The following NCALD variants were observed in gnomAD, a reference collection of about 807,000 sequenced individuals.
NCALD encodes neurocalcin delta, also known as neurocalcin-delta.
In NCALD, 10 loss-of-function variants were observed where a neutral mutation model predicts 18.6. The observed-to-expected ratio is 0.54, with a 90% CI of 0.33 to 0.91. NCALD has a LOEUF of 0.91. NCALD is among the 40% of genes least tolerant of loss of function. The probability of loss-of-function intolerance (pLI) is 0.03; values close to 1 mark genes in which losing one functional copy is unlikely to be tolerated. For missense variants in NCALD, 184 were observed against 247.6 expected (o/e 0.74, Z 1.72); for synonymous variants, 88 against 87.4 (o/e 1.01, Z -0.04).
chr8:101,960,850 C>T (rs1479914371), intron 2 of NCALD, among the ~76,000 whole-genome samples: 2 of 152,092 alleles, frequency 1.3e-5, no homozygotes, highest in African/African-American at 2.4e-5. Flanking sequence ...TCCTTCCCTC[C>T]GTGGGGCTTT....
intron 4 of NCALD, among the ~76,000 whole-genome samples, chr8:101,856,364 G>A (rs954505125): frequency 3.3e-5 from 5 of 152,190 alleles, no homozygotes; most frequent in South Asian, 4.1e-4. Flanking sequence ...TTTGAGATGA[G>A]GTTTCTCTAT....
chr8:101,694,288 C>A (rs1035601004), intron 2 of NCALD: 1 of 152,170 alleles, frequency 6.6e-6, no homozygotes, highest in Non-Finnish European at 1.5e-5. Context: ...TGAGGGGAGT[C>A]GCCTCCAAAT....
At chr8:101,864,262 A>T (rs774561524) in intron 4 of NCALD, among the ~76,000 whole-genome samples, 7 of 152,098 alleles carry the variant, frequency 4.6e-5, no homozygotes, top group Non-Finnish European at 8.8e-5. Flanking sequence ...CAAGAGGCTA[A>T]CTGTGTGCAA....
At chr8:101,921,815 T>C (rs867148762) in intron 2 of NCALD, among the ~76,000 whole-genome samples, 46 of 152,204 alleles carry the variant, frequency 3.0e-4, no homozygotes, top group African/African-American at 9.9e-4. Context: ...TAGAAGATGT[T>C]TGGTTTAATA....
At chr8:101,939,068 G>A (rs531885317) in intron 2 of NCALD, among the ~76,000 whole-genome samples, 22 of 152,296 alleles carry the variant, frequency 1.4e-4, no homozygotes, top group African/African-American at 3.8e-4. Context: ...AAGATTTATC[G>A]CTGTAGCCTG....
At chr8:102,109,928 T>G (rs1474285316) in intron 1 of NCALD, among the ~76,000 whole-genome samples, 10 of 152,254 alleles carry the variant, frequency 6.6e-5, no homozygotes, top group African/African-American at 1.9e-4. Context: ...TTCTTAGTTA[T>G]GTAGTCATAT....
chr8:101,976,838 A>C (rs1262003303), intron 2 of NCALD, among the ~76,000 whole-genome samples: 1 of 152,176 alleles, frequency 6.6e-6, no homozygotes, highest in Non-Finnish European at 1.5e-5. Context: ...TGAATCACAA[A>C]GTTTATTCTT....
At chr8:101,958,971 G>A (rs888859952) in intron 2 of NCALD, among the ~76,000 whole-genome samples, 1 of 152,100 alleles carries the variant, frequency 6.6e-6, no homozygotes, top group Non-Finnish European at 1.5e-5. Flanking sequence ...ATGCTTTACT[G>A]TAGTAATCCT....
Position 101,917,857 on chromosome 8 carries a change from A to C in NCALD, c.-156-1999T>G, listed in dbSNP as rs558628990. ...TTTAAAAACCCTACCTATCAAAAAA[A>C]CCTCAGGACTAGATGGATTCACAGC... On this transcript the variant is annotated intron_variant, in intron 2 of 6. Coordinates refer to the NCALD transcript ENST00000311028. Among the ~76,000 whole-genome samples the C allele has an allele frequency of 5.9e-5, 9 of 152,206 alleles. No individual in the cohort carries two copies. In the East Asian group the frequency reaches 1.2e-3, roughly 20 times the overall value.
intron 1 of NCALD, among the ~76,000 whole-genome samples, chr8:102,085,892 T>C (rs376069860): frequency 4.6e-5 from 7 of 152,288 alleles, no homozygotes; most frequent in African/African-American, 1.7e-4. Flanking sequence ...TTACCATTCA[T>C]CCAACTGCCT....
rs1586907948 is a variant in NCALD at position 102,004,176 on chromosome 8, C to G, written c.-157+16061G>C. On this transcript the variant is annotated intron_variant, in intron 2 of 6. Coordinates refer to the NCALD transcript ENST00000311028. ...TCCTTAAGCTGATAAGCAACTTCAG[C>G]AAAGTCTCAGGATACAAAATCAATG... 3.3e-5 allele frequency among the ~76,000 whole-genome samples: 5 copies of G among 152,002 alleles called. No homozygotes were observed. In the South Asian group the frequency reaches 1.0e-3, roughly 32 times the overall value.
intron 2 of NCALD, among the ~76,000 whole-genome samples, chr8:101,965,631 G>A (rs976002954): frequency 6.6e-6 from 1 of 152,108 alleles, no homozygotes; most frequent in Admixed American, 6.5e-5. Flanking sequence ...GGGGGCCAGG[G>A]GAGGGATAGC....
intron 4 of NCALD, among the ~76,000 whole-genome samples, chr8:101,828,995 G>A (rs562781129): frequency 9.9e-5 from 15 of 152,216 alleles, no homozygotes; most frequent in Admixed American, 8.5e-4. Context: ...ATGAATGAAT[G>A]TGTATACAGA....
At chr8:101,715,570 T>C (rs1367799516) in intron 2 of NCALD, among the ~76,000 whole-genome samples, 1 of 152,100 alleles carries the variant, frequency 6.6e-6, no homozygotes, top group African/African-American at 2.4e-5. Context: ...AATCTATCCA[T>C]CTGACAAAGG....
chr8:101,701,206 C>A (rs1207767136), intron 2 of NCALD, among the ~76,000 whole-genome samples: 4 of 152,130 alleles, frequency 2.6e-5, no homozygotes, highest in Admixed American at 1.3e-4. Flanking sequence ...ACTTTAAAAT[C>A]TGGGACTGCA....
intron 1 of NCALD, among the ~76,000 whole-genome samples, chr8:102,095,969 G>A (rs902856456): frequency 1.3e-5 from 2 of 152,072 alleles, no homozygotes; most frequent in African/African-American, 4.8e-5. Flanking sequence ...AACATCCCAG[G>A]TTTAGCCCTA....
At chr8:102,078,875 C>T (rs1824434050) in intron 1 of NCALD, among the ~76,000 whole-genome samples, 1 of 152,174 alleles carries the variant, frequency 6.6e-6, no homozygotes, top group Non-Finnish European at 1.5e-5. Flanking sequence ...CTGAATCTTC[C>T]ACAGGAGACC....
At chr8:102,087,080 G>A (rs1417821489) in intron 1 of NCALD, among the ~76,000 whole-genome samples, 6 of 152,132 alleles carry the variant, frequency 3.9e-5, no homozygotes, top group African/African-American at 7.2e-5. Context: ...AGCCCTCAGC[G>A]CTGCTCTGCC....
At chr8:101,962,093 T>G (rs565423871) in intron 2 of NCALD, among the ~76,000 whole-genome samples, 1 of 151,470 alleles carries the variant, frequency 6.6e-6, no homozygotes, top group African/African-American at 2.4e-5. Context: ...TTTTGTTATT[T>G]AAAAAAAAAT....
Sources: allele counts gnomAD v4.1 joint callset (sites outside exome capture counted in the v4.1 genomes callset), GRCh38; gene constraint gnomAD v4.1.1; transcripts MANE v1.5; gene names NCBI Gene and HGNC (gene_info 2026-07-23, HGNC 2026-07-21).